The following AGTPBP1 variants were observed in gnomAD, a reference collection of about 807,000 sequenced individuals.
The protein encoded by AGTPBP1 is cytosolic carboxypeptidase 1.
A neutral mutation model predicts 143.9 loss-of-function variants in AGTPBP1; 70 were observed. The observed-to-expected ratio is 0.49, with a 90% CI of 0.40 to 0.59. The LOEUF (loss-of-function observed/expected upper bound fraction) is 0.59. Among genes scored for constraint, AGTPBP1 ranks in the 20% least tolerant of loss-of-function variants. The probability of loss-of-function intolerance (pLI) is 0.00; values close to 1 mark genes in which losing one functional copy is unlikely to be tolerated. For missense variants in AGTPBP1, 1,229 were observed against 1,464.5 expected, an observed-to-expected ratio of 0.84 and a Z score of 2.62; for synonymous variants, 463 against 500.2, an observed-to-expected ratio of 0.93 and a Z score of 0.99.
At chr9:85,787,705 T>C in the AGTPBP1 span, among the ~76,000 whole-genome samples, 1 of 152,232 alleles carries the variant, frequency 6.6e-6, no homozygotes, top group Non-Finnish European at 1.5e-5. Context: ...AGGAATTATT[T>C]TGTTATTTAG....
intron 14 of AGTPBP1, among the ~76,000 whole-genome samples, chr9:85,624,883 G>A (rs146923073): frequency 9.1e-4 from 138 of 152,196 alleles, no homozygotes; most frequent in African/African-American, 3.1e-3. Context: ...CTTCTGATAC[G>A]AAGTCTAAAA....
chr9:85,754,190 G>A, the AGTPBP1 span, among the ~76,000 whole-genome samples: 5 of 152,022 alleles, frequency 3.3e-5, no homozygotes, highest in African/African-American at 4.8e-5. Context: ...TCATGAAGAC[G>A]AGTATATTTT....
At chr9:85,709,532 G>A (rs1837230886) in intron 2 of AGTPBP1, among the ~76,000 whole-genome samples, 1 of 151,998 alleles carries the variant, frequency 6.6e-6, no homozygotes, top group Non-Finnish European at 1.5e-5. Flanking sequence ...TGGATGTGAT[G>A]GAAAAATTTA....
At chr9:85,748,062 G>C in the AGTPBP1 span, among the ~76,000 whole-genome samples, 1 of 151,240 alleles carries the variant, frequency 6.6e-6, no homozygotes, top group African/African-American at 2.4e-5. Flanking sequence ...TGGAAAAGTT[G>C]ACTGCATTTG....
intron 14 of AGTPBP1, among the ~76,000 whole-genome samples, chr9:85,629,673 T>C (rs591464): frequency 0.047 from 7,175 of 152,256 alleles, 230 homozygotes; most frequent in Non-Finnish European, 0.074. Flanking sequence ...CTATAATACA[T>C]CTACGCTTAA....
At chr9:85,732,767 G>T (rs1347095392) in intron 1 of AGTPBP1, among the ~76,000 whole-genome samples, 5 of 152,012 alleles carry the variant, frequency 3.3e-5, no homozygotes, top group Admixed American at 1.3e-4. Flanking sequence ...CAAATACATG[G>T]AACGTGAAAG....
intron 15 of AGTPBP1, 61 bp downstream of exon 15, chr9:85,621,140 TA>T: frequency 1.1e-6 from 1 of 912,160 alleles, no homozygotes; most frequent in Non-Finnish European, 1.5e-6. Flanking sequence ...CTTTTAGAAA[TA>T]ATACTAAAAT....
chr9:85,795,715 G>A, the AGTPBP1 span, among the ~76,000 whole-genome samples: 1 of 152,096 alleles, frequency 6.6e-6, no homozygotes, highest in South Asian at 2.1e-4. Context: ...ATGGTATTTG[G>A]TATTCTGGTT....
At chr9:85,632,258 G>T (rs1831728023) in intron 14 of AGTPBP1, among the ~76,000 whole-genome samples, 1 of 152,016 alleles carries the variant, frequency 6.6e-6, no homozygotes, top group Admixed American at 6.6e-5. Flanking sequence ...GTTGATTGTA[G>T]TTGCCCTGTT....
chr9:85,631,251 G>A (rs1344243047), intron 14 of AGTPBP1, among the ~76,000 whole-genome samples: 2 of 152,214 alleles, frequency 1.3e-5, no homozygotes, highest in Admixed American at 1.3e-4. Context: ...GTCCCTGGGT[G>A]GATACTGGAT....
the AGTPBP1 span, among the ~76,000 whole-genome samples, chr9:85,750,180 G>A: frequency 9.4e-3 from 1,430 of 152,280 alleles, 26 homozygotes; most frequent in African/African-American, 0.033. Context: ...CTTTTAAAGT[G>A]TATGTGGACA....
chr9:85,620,279 T>C (rs892659209), intron 15 of AGTPBP1, among the ~76,000 whole-genome samples: 13 of 151,904 alleles, frequency 8.6e-5, no homozygotes, highest in Admixed American at 6.6e-4. Context: ...CCAGGCGTGG[T>C]GGCATGTGTC....
At chr9:85,601,184 T>A (rs1829645219) in intron 17 of AGTPBP1, among the ~76,000 whole-genome samples, 1 of 152,116 alleles carries the variant, frequency 6.6e-6, no homozygotes, top group African/African-American at 2.4e-5. Context: ...TGCATAGCAA[T>A]CCCTAGCAGC....
intron 11 of AGTPBP1, among the ~76,000 whole-genome samples, chr9:85,652,218 C>G (rs1469908303): frequency 6.6e-6 from 1 of 152,006 alleles, no homozygotes; most frequent in African/African-American, 2.4e-5. Flanking sequence ...GGTATAAAAG[C>G]TCAGAGTTTT....
Position 85,632,093 on chromosome 9 carries a change from G to GTA in AGTPBP1, c.2015+567_2015+568dup, listed in dbSNP as rs372145008. Among the ~76,000 whole-genome samples the GTA allele has an allele frequency of 5.5e-3, 815 of 149,350 alleles. 1 individual carries two copies. Among genetic ancestry groups the GTA allele is most frequent in the Non-Finnish European group, 8.9e-3 (597 of 67,342 alleles). On this transcript the variant is annotated intron_variant, in intron 14 of 25. Transcript: ENST00000357081. Reference sequence around the variant, plus strand: ...TTTACTTTTTTTTAGTACATAGTAGGTATATATATATATATTTATGGGGTA... The same window carrying GTA: ...TTTACTTTTTTTTAGTACATAGTAGGTATATATATATATATATTTATGGGGTA...
chr9:85,685,100 C>T (rs1251951673), intron 3 of AGTPBP1, among the ~76,000 whole-genome samples: 1 of 151,420 alleles, frequency 6.6e-6, no homozygotes, highest in Non-Finnish European at 1.5e-5. Context: ...GAGAATTAAA[C>T]TTAAAAGATA....
At chr9:85,599,522 T>C (rs1489337779) in intron 17 of AGTPBP1, among the ~76,000 whole-genome samples, 1 of 152,202 alleles carries the variant, frequency 6.6e-6, no homozygotes, top group African/African-American at 2.4e-5. Flanking sequence ...TCTAACACTA[T>C]ATTAAATGAA....
At chr9:85,563,392 A>G (rs1219039267) in intron 25 of AGTPBP1, among the ~76,000 whole-genome samples, 1 of 152,184 alleles carries the variant, frequency 6.6e-6, no homozygotes, top group East Asian at 1.9e-4. Context: ...ATACTTAATA[A>G]TCCTGATAGA....
At chr9:85,707,424 A>G (rs1837081758) in intron 2 of AGTPBP1, among the ~76,000 whole-genome samples, 1 of 152,188 alleles carries the variant, frequency 6.6e-6, no homozygotes. Context: ...AAATCATAGG[A>G]AAATCAATGA....
Sources: allele counts gnomAD v4.1 joint callset (sites outside exome capture counted in the v4.1 genomes callset), GRCh38; gene constraint gnomAD v4.1.1; transcripts MANE v1.5; gene names NCBI Gene and HGNC (gene_info 2026-07-23, HGNC 2026-07-21).